Variants in PHRF1 observed in about 807,000 individuals in gnomAD.
PHRF1 encodes PHD and ring finger domains 1, also known as PHD and RING finger domain-containing protein 1.
A neutral mutation model predicts 128.9 loss-of-function variants in PHRF1; 53 were observed. The observed-to-expected ratio is 0.41, with a 90% confidence interval of 0.33 to 0.52. The LOEUF is 0.52. Among genes scored for constraint, PHRF1 ranks in the 20% least tolerant of loss-of-function variants. The pLI, the probability that PHRF1 is intolerant of heterozygous loss-of-function variation, is 0.21. For missense variants in PHRF1, 2,503 were observed against 2,284.5 expected (o/e 1.10, Z -1.95); for synonymous variants, 1,178 against 980.6 (o/e 1.20, Z -3.76).
At chr11:586,636 C>T (rs938216103) in intron 3 of PHRF1, among the ~76,000 whole-genome samples, 7 of 152,184 alleles carry the variant, frequency 4.6e-5, no homozygotes, top group Non-Finnish European at 1.0e-4. Context: ...CACGTATGGG[C>T]TCTGCCGTGT....
chr11:582,170 T>C (rs1854246059), intron 3 of PHRF1, 89 bp downstream of exon 3: 3 of 1,535,034 alleles, frequency 2.0e-6, no homozygotes, highest in Non-Finnish European at 2.6e-6. Context: ...GTGAGAGTGC[T>C]GTCACCACAG....
intron 6 of PHRF1, among the ~76,000 whole-genome samples, chr11:594,831 T>G (rs1288044202): frequency 6.6e-6 from 1 of 152,236 alleles, no homozygotes; most frequent in Non-Finnish European, 1.5e-5. Flanking sequence ...TATTATAAAT[T>G]ACATTTACAA....
rs1332141122 is a variant in PHRF1 at position 610,272 on chromosome 11, G to C, written c.4341G>C (p.Arg1447Ser). The change falls in exon 15 of 18, where the codon AGG (arginine) becomes AGC (serine). Residue 1447 changes from arginine (R) to serine (S), a missense_variant. Physicochemically the swap from Arg to Ser is moderately radical, Grantham distance 110. Coordinates refer to ENST00000264555, the MANE Select transcript of PHRF1 (RefSeq NM_001286581.2). Reference sequence around the variant, plus strand: ...AGGATGTGGCCCCCACAGGGGTCAGGCAGGTGTTCTCCGAGCTGCCCTTTC... The same window carrying C: ...AGGATGTGGCCCCCACAGGGGTCAGCCAGGTGTTCTCCGAGCTGCCCTTTC... ...DMEDVAPTGV[R>S]QVFSELPFPS... 1.3e-6 allele frequency: 2 copies of C among 1,558,354 alleles called. No individual in the cohort carries two copies. Among genetic ancestry groups the C allele is most frequent in the East Asian group, 2.4e-5 (1 of 41,438 alleles).
chr11:581,741 A>T, intron 2 of PHRF1, 135 bp downstream of exon 2: 1 of 1,032,110 alleles, frequency 9.7e-7, no homozygotes, highest in Non-Finnish European at 1.4e-6. Context: ...TAAATTGCGG[A>T]AGTAGTGTAT....
chr11:578,928 C>A (rs1053735940), intron 1 of PHRF1, among the ~76,000 whole-genome samples: 7 of 152,192 alleles, frequency 4.6e-5, no homozygotes, highest in Non-Finnish European at 1.0e-4. Flanking sequence ...CAGCTCACTG[C>A]AACCTCCGCC....
intron 5 of PHRF1, 33 bp downstream of exon 5, chr11:591,500 C>T (rs550936033): frequency 1.9e-5 from 30 of 1,552,478 alleles, no homozygotes; most frequent in Admixed American, 7.5e-5. Context: ...AGGCCCCAGC[C>T]GTGCTTCTAT....
At chr11:606,366 T>G in intron 12 of PHRF1, 76 bp from the exon 13 acceptor site, 11 of 1,456,712 alleles carry the variant, frequency 7.6e-6, no homozygotes, top group Non-Finnish European at 9.1e-6. Context: ...TCCCGCCTGC[T>G]GCGGGGCTCT....
chr11:594,407 C>G (rs956671741), intron 6 of PHRF1, among the ~76,000 whole-genome samples: 1 of 152,216 alleles, frequency 6.6e-6, no homozygotes, highest in African/African-American at 2.4e-5. Flanking sequence ...TTCCTGTTAG[C>G]TTTTATTTTA....
At position 609,029 on chromosome 11, in the gene PHRF1, C is replaced by T; in HGVS notation, c.3573C>T (p.Ser1191=). The T allele has an allele frequency of 6.3e-7, 1 of 1,595,618 alleles. No homozygotes were observed. Among genetic ancestry groups the T allele is most frequent in the Middle Eastern group, 1.7e-4 (1 of 6,046 alleles). ...AGTGGCCGCAGACCCGGTCCCATTC[C>T]CCAGAGAGGAAGGGGGCTGTGAGGG... ...REKWPQTRSH[S]PERKGAVREA... is the part of the protein sequence containing the mutation. The change falls in exon 14 of 18, where the codon TCC becomes TCT. Residue 1191 remains serine, a synonymous_variant. Transcript: ENST00000264555.
rs982143891 is a variant in PHRF1 at position 608,773 on chromosome 11, G to A, written c.3317G>A (p.Ser1106Asn). The A allele has an allele frequency of 3.1e-6, 5 of 1,611,816 alleles. No individual in the cohort carries two copies. The highest frequency in any genetic ancestry group is 1.7e-5 in the Admixed American group (1 of 59,902). Residue 1106 changes from serine to asparagine, a missense_variant, in exon 14 of 18, where the codon AGT becomes AAT. Coordinates refer to ENST00000264555, the MANE Select transcript of PHRF1 (RefSeq NM_001286581.2). ...PGSSSYEHYE[S>N]RKKKKRRSAS... The stretch of plus-strand genomic sequence containing the variant: ...AGCTCTTCCTATGAGCACTATGAGA[G>A]TAGGAAGAAGAAGAAAAGGAGATCA...
intron 1 of PHRF1, among the ~76,000 whole-genome samples, chr11:579,889 C>T (rs981221857): frequency 2.0e-5 from 3 of 152,156 alleles, no homozygotes; most frequent in Non-Finnish European, 2.9e-5. Flanking sequence ...GAAGTGAGGC[C>T]GTCCTGGTTT....
rs763572733 is a variant in PHRF1 at position 605,238 on chromosome 11, G to A, written c.1272G>A (p.Ala424=). ...PVEPSLGLLR[A]DIGAASLSLF... ...AGCCCTCTTTGGGGCTGCTGAGAGC[G>A]GATATTGGAGCTGCCTCTCTGTCTC... Residue 424 remains alanine (A), a synonymous_variant, in exon 11 of 18, where the codon GCG becomes GCA. Coordinates refer to ENST00000264555, the MANE Select transcript of PHRF1 (RefSeq NM_001286581.2). The A allele has an allele frequency of 3.7e-5, 60 of 1,613,368 alleles. No individual in the cohort carries two copies. The highest frequency in any genetic ancestry group is 1.6e-4 in the Middle Eastern group (1 of 6,082).
intron 13 of PHRF1, 56 bp downstream of exon 13, chr11:606,652 G>GTT (rs1855965759): frequency 6.5e-7 from 1 of 1,543,496 alleles, no homozygotes; most frequent in Admixed American, 1.8e-5. Flanking sequence ...TCCTCAGGCT[G>GTT]TTCGCAAGCA....
intron 3 of PHRF1, among the ~76,000 whole-genome samples, chr11:583,851 G>GC (rs1236091779): frequency 6.6e-6 from 1 of 152,214 alleles, no homozygotes; most frequent in Non-Finnish European, 1.5e-5. Flanking sequence ...AGGTGGCCCT[G>GC]CCCCGGCCCT....
chr11:588,147 C>G (rs1273022650), intron 4 of PHRF1, among the ~76,000 whole-genome samples: 1 of 152,168 alleles, frequency 6.6e-6, no homozygotes, highest in Non-Finnish European at 1.5e-5. Flanking sequence ...CCCCGGCTCT[C>G]TTCAGGACCG....
chr11:582,201 A>C, intron 3 of PHRF1, 120 bp downstream of exon 3: 4 of 1,449,486 alleles, frequency 2.8e-6, no homozygotes, highest in Non-Finnish European at 2.8e-6. Context: ...CCCTGCGGTC[A>C]CCTACGGTGA....
chr11:581,565 G>C lies in PHRF1; in HGVS notation c.53G>C (p.Gly18Ala). ...GTGGCCCGGAGCCCAGGGCCGGATG[G>C]ACACCCACAGGTCGGCCCTGCGGAC... ...ELVARSPGPDGHPQVGPADPA... is the reference protein window; with the variant it reads ...ELVARSPGPDAHPQVGPADPA... Residue 18 changes from glycine to alanine, a missense_variant, in exon 2 of 18, where the codon GGA becomes GCA. Coordinates refer to ENST00000264555, the MANE Select transcript of PHRF1 (RefSeq NM_001286581.2). The C allele has an allele frequency of 6.2e-7, 1 of 1,613,494 alleles. No homozygotes were observed. Among genetic ancestry groups the C allele is most frequent in the African/African-American group, 1.3e-5 (1 of 75,060 alleles).
intron 1 of PHRF1, among the ~76,000 whole-genome samples, chr11:576,960 G>A (rs1391938216): frequency 1.3e-5 from 2 of 151,988 alleles, no homozygotes; most frequent in African/African-American, 4.8e-5. Flanking sequence ...GGGCTTGCGA[G>A]GACGCGGCGA....
chr11:585,768 C>T (rs150657453), intron 3 of PHRF1, among the ~76,000 whole-genome samples: 2,255 of 149,654 alleles, frequency 0.015, 37 homozygotes, highest in Non-Finnish European at 0.024. Flanking sequence ...GCAAGCTCTG[C>T]GTCCCAGGTT....
Sources: gnomAD v4.1 joint callset for allele counts (sites outside exome capture counted in the v4.1 genomes callset) on GRCh38, gnomAD v4.1.1 for gene constraint, MANE v1.5 for transcripts, NCBI Gene and HGNC (gene_info 2026-07-23, HGNC 2026-07-21) for gene names.